The following SLCO3A1 variants were observed in gnomAD, a reference collection of about 807,000 sequenced individuals.
SLCO3A1 encodes the protein PGE1 transporter.
Under a neutral mutation model 63.1 loss-of-function variants are expected in SLCO3A1, and 27 were observed. The ratio of observed to expected loss-of-function variants is 0.43; its 90% confidence interval spans 0.32 to 0.59. SLCO3A1 has a LOEUF of 0.59. SLCO3A1 is among the 20% of genes least tolerant of loss of function. SLCO3A1 has a pLI of 0.09. For synonymous variants in SLCO3A1, 473 were observed against 409.9 expected (o/e 1.15, Z -1.86); for missense variants, 773 against 945.8 (o/e 0.82, Z 2.40).
At chr15:91,901,172 G>A (rs1898145123) in intron 1 of SLCO3A1, among the ~76,000 whole-genome samples, 1 of 151,878 alleles carries the variant, frequency 6.6e-6, no homozygotes, top group African/African-American at 2.4e-5. Context: ...CTTAGTGATT[G>A]CATGTATGAT....
chr15:92,065,228 G>A (rs186991371), intron 2 of SLCO3A1, among the ~76,000 whole-genome samples: 4 of 152,248 alleles, frequency 2.6e-5, no homozygotes, highest in East Asian at 1.9e-4. Flanking sequence ...GACTACAGGC[G>A]TGTGCCATCA....
chr15:91,987,294 C>T (rs549531833), intron 2 of SLCO3A1, among the ~76,000 whole-genome samples: 32 of 152,188 alleles, frequency 2.1e-4, no homozygotes, highest in African/African-American at 7.7e-4. Flanking sequence ...TCAGTAGGTG[C>T]TAATGAATTA....
intron 2 of SLCO3A1, among the ~76,000 whole-genome samples, chr15:91,956,040 A>G (rs1371985144): frequency 6.6e-6 from 1 of 152,198 alleles, no homozygotes; most frequent in Non-Finnish European, 1.5e-5. Context: ...GTTAGTTCCC[A>G]GCAAGGACAA....
chr15:92,103,522 C>CATTA (rs3030618), intron 3 of SLCO3A1, among the ~76,000 whole-genome samples: 106,289 of 150,216 alleles, frequency 0.71, 37,956 homozygotes, highest in Admixed American at 0.82. Flanking sequence ...ACAAAGTTGG[C>CATTA]ATTAATTAAT....
rs1896916023 is a variant in SLCO3A1, at chr15:91,856,185, C to T, written c.180+2097C>T. ...TCCACCTGGTGGCGGCATCCTGGCACTTCTAGCCTTCGCTGATGGAAAGCC... is the reference window on the plus strand; with the variant it reads ...TCCACCTGGTGGCGGCATCCTGGCATTTCTAGCCTTCGCTGATGGAAAGCC... On this transcript the variant is annotated intron_variant, in intron 1 of 9. Transcript: ENST00000318445. This position sits in a 1 kb window ranked among gnomAD's most constrained non-coding sequence, Gnocchi z 4.9. Among the ~76,000 whole-genome samples the T allele has an allele frequency of 2.0e-5, 3 of 152,022 alleles. No individual in the cohort carries two copies. The highest frequency in any genetic ancestry group is 2.0e-4 in the Admixed American group (3 of 15,268).
intron 2 of SLCO3A1, among the ~76,000 whole-genome samples, chr15:91,937,053 T>C (rs1293447149): frequency 6.6e-6 from 1 of 152,188 alleles, no homozygotes; most frequent in Non-Finnish European, 1.5e-5. Flanking sequence ...AGGATGCCTT[T>C]GTCTCCCTTT....
At chr15:92,047,072 A>T (rs10678647) in intron 2 of SLCO3A1, among the ~76,000 whole-genome samples, 7 of 5,194 alleles carry the variant, frequency 1.3e-3, no homozygotes, top group African/African-American at 5.6e-3. Flanking sequence ...TATATATACA[A>T]ATATATATAA....
At chr15:92,013,366 C>T (rs925316739) in intron 2 of SLCO3A1, among the ~76,000 whole-genome samples, 6 of 152,194 alleles carry the variant, frequency 3.9e-5, no homozygotes, top group Admixed American at 6.5e-5. Context: ...CTCTGATGTT[C>T]CTGCAGTACG....
At chr15:91,922,360 T>C (rs1314945661) in intron 2 of SLCO3A1, among the ~76,000 whole-genome samples, 3 of 152,200 alleles carry the variant, frequency 2.0e-5, no homozygotes, top group Non-Finnish European at 2.9e-5. Context: ...GCACACGTAT[T>C]AGACACAAAA....
intron 5 of SLCO3A1, among the ~76,000 whole-genome samples, chr15:92,124,831 C>G (rs1462858717): frequency 1.3e-5 from 2 of 152,022 alleles, no homozygotes. Context: ...GGCAAGTGTC[C>G]CAGGAGAGGG....
chr15:91,901,184 T>C (rs1352146662), intron 1 of SLCO3A1, among the ~76,000 whole-genome samples: 1 of 152,228 alleles, frequency 6.6e-6, no homozygotes, highest in Non-Finnish European at 1.5e-5. Context: ...ATGTATGATA[T>C]ATGTCTTAAG....
At chr15:91,963,262 T>A (rs9920708) in intron 2 of SLCO3A1, among the ~76,000 whole-genome samples, 2,702 of 152,308 alleles carry the variant, frequency 0.018, 90 homozygotes, top group African/African-American at 0.06. Flanking sequence ...ATATGGGCAC[T>A]GGCTCTTTCA....
chr15:91,871,299 G>A (rs1299481986), intron 1 of SLCO3A1, among the ~76,000 whole-genome samples: 1 of 152,298 alleles, frequency 6.6e-6, no homozygotes, highest in East Asian at 1.9e-4. Context: ...GGCTTGGCTA[G>A]ATGTGGTCTT....
chr15:91,854,283 G>A lies in SLCO3A1; in HGVS notation c.180+195G>A. 1 of 1,160,280 alleles carries A rather than the reference G, an allele frequency of 8.6e-7. No homozygotes were observed. The highest frequency in any genetic ancestry group is 1.6e-5 in the African/African-American group (1 of 61,968). The allele number at this position is 1,160,280 out of a possible 1,614,324, so 71.9% of individuals were successfully genotyped here. A position where few individuals can be genotyped will look rare whatever the true frequency, so the allele number is the denominator to read the frequency against. Reference sequence around the variant, plus strand: ...CGGGGCTGCCAGCGAGCGGGTAGCGGGCGGGACCGTTGATGCCGGTAGCAG... The same window carrying A: ...CGGGGCTGCCAGCGAGCGGGTAGCGAGCGGGACCGTTGATGCCGGTAGCAG... On this transcript the variant is annotated intron_variant, in intron 1 of 9. Transcript: ENST00000318445. This position sits in a 1 kb window ranked among gnomAD's most constrained non-coding sequence, Gnocchi z 6.4.
intron 2 of SLCO3A1, among the ~76,000 whole-genome samples, chr15:92,005,851 A>G (rs1198953534): frequency 6.6e-6 from 1 of 152,186 alleles, no homozygotes; most frequent in Non-Finnish European, 1.5e-5. Context: ...AAGCCATGGA[A>G]TCAAGTGGAT....
chr15:91,868,253 T>G (rs1897213882), intron 1 of SLCO3A1, among the ~76,000 whole-genome samples: 1 of 151,822 alleles, frequency 6.6e-6, no homozygotes. Context: ...GGTTTCGCCA[T>G]GTTGGCCAGG....
intron 2 of SLCO3A1, among the ~76,000 whole-genome samples, chr15:92,065,893 T>C (rs949485257): frequency 2.0e-5 from 3 of 152,140 alleles, no homozygotes; most frequent in African/African-American, 7.2e-5. Context: ...ACTGGGAAGT[T>C]TAAAAGAAAA....
intron 2 of SLCO3A1, among the ~76,000 whole-genome samples, chr15:91,987,215 C>T (rs1026751226): frequency 3.6e-4 from 55 of 152,094 alleles, no homozygotes; most frequent in Non-Finnish European, 7.1e-4. Flanking sequence ...TGCGTTGTGT[C>T]GGTAGGTGCC....
intron 2 of SLCO3A1, among the ~76,000 whole-genome samples, chr15:92,079,346 A>G (rs2151521857): frequency 6.6e-6 from 1 of 152,296 alleles, no homozygotes; most frequent in East Asian, 1.9e-4. Flanking sequence ...CATGCCATAG[A>G]CTGGGTGGCT....
Sources: gnomAD v4.1 joint callset for allele counts (sites outside exome capture counted in the v4.1 genomes callset) on GRCh38, gnomAD v4.1.1 for gene constraint, Gnocchi (gnomAD v3.1) non-coding constraint, MANE v1.5 for transcripts, NCBI Gene and HGNC (gene_info 2026-07-23, HGNC 2026-07-21) for gene names.